Variants in PTH2R observed in about 807,000 individuals in gnomAD.
PTH2R encodes the protein PTH2 receptor.
PTH2R carries 59 observed loss-of-function variants against 60.3 expected under a neutral mutation model. That is an observed-to-expected ratio of 0.98 (90% CI 0.79 to 1.22). PTH2R has a LOEUF of 1.22. PTH2R is among the 50% of genes most tolerant of loss of function. PTH2R has a pLI of 0.00. For missense variants in PTH2R, 749 were observed against 682.6 expected, an observed-to-expected ratio of 1.10 and a Z score of -1.08; for synonymous variants, 256 against 243.8, an observed-to-expected ratio of 1.05 and a Z score of -0.47.
At chr2:208,415,389 T>C (rs551983728) in intron 1 of PTH2R, among the ~76,000 whole-genome samples, 7 of 152,238 alleles carry the variant, frequency 4.6e-5, no homozygotes, top group Non-Finnish European at 1.0e-4. Flanking sequence ...CACAGCCACA[T>C]TCATTCACCT....
intron 7 of PTH2R, among the ~76,000 whole-genome samples, chr2:208,445,895 G>A (rs532464979): frequency 7.2e-4 from 110 of 152,178 alleles, no homozygotes; most frequent in Middle Eastern, 3.4e-3. Context: ...TAGACAGCTC[G>A]TCTGTTTTAA....
chr2:208,482,440 G>A (rs1009720054), intron 10 of PTH2R, among the ~76,000 whole-genome samples: 12 of 152,226 alleles, frequency 7.9e-5, no homozygotes, highest in South Asian at 2.1e-4. Flanking sequence ...ATTTAGGGTC[G>A]TTTGATTATG....
chr2:208,412,811 A>G (rs1701566650), intron 1 of PTH2R, among the ~76,000 whole-genome samples: 1 of 152,348 alleles, frequency 6.6e-6, no homozygotes, highest in East Asian at 1.9e-4. Flanking sequence ...CTATATACAT[A>G]TAACAGGGAT....
intron 9 of PTH2R, among the ~76,000 whole-genome samples, chr2:208,471,918 C>T (rs1409145493): frequency 6.6e-6 from 1 of 152,244 alleles, no homozygotes; most frequent in Admixed American, 6.5e-5. Flanking sequence ...CTTTCATCAG[C>T]ATGACCTGGA....
At chr2:208,443,608 C>A in intron 6 of PTH2R, 71 bp downstream of exon 6, 1 of 1,292,086 alleles carries the variant, frequency 7.7e-7, no homozygotes, top group Non-Finnish European at 1.1e-6. Flanking sequence ...TTTTACAGTC[C>A]ACTAAACATG....
intron 9 of PTH2R, among the ~76,000 whole-genome samples, chr2:208,464,020 A>G (rs1702686463): frequency 6.6e-6 from 1 of 152,140 alleles, no homozygotes; most frequent in Non-Finnish European, 1.5e-5. Flanking sequence ...ATAATTATTA[A>G]CTCTTGTTGG....
rs79918660 is a variant in PTH2R, at chr2:208,387,460, C to T, written c.-259+27223C>T. Among the ~76,000 whole-genome samples, 757 of 152,294 alleles carry T rather than the reference C, an allele frequency of 5.0e-3. 3 individuals are homozygous for T. The highest frequency in any genetic ancestry group is 0.02 in the Middle Eastern group (6 of 294). ...ACAAAAGACACACTCTCCTAAATGT[C>T]TCCATCATACTATACTTTTTGTCCC... On this transcript the variant is annotated intron_variant, in intron 1 of 12. Transcript: ENST00000617735.
chr2:208,442,350 C>G lies in PTH2R; in HGVS notation c.412-14C>G. ...ATAGTCCCATATCATACATGAGCAT[C>G]TCTTCCCTTGCAGCAAGAATTCTTT... is the stretch of plus-strand genomic sequence containing the variant. On this transcript the variant is annotated splice_polypyrimidine_tract_variant and intron_variant, in intron 4 of 12. Coordinates refer to ENST00000272847, the MANE Select transcript of PTH2R (RefSeq NM_005048.4). 1 of 1,572,376 alleles carries G rather than the reference C, an allele frequency of 6.4e-7. No individual in the cohort carries two copies. The highest frequency in any genetic ancestry group is 1.1e-5 in the South Asian group (1 of 90,086).
chr2:208,473,073 G>A (rs1702921315), intron 9 of PTH2R, among the ~76,000 whole-genome samples: 1 of 152,142 alleles, frequency 6.6e-6, no homozygotes, highest in Non-Finnish European at 1.5e-5. Flanking sequence ...TATATGCAAG[G>A]TCATTAAGCA....
Position 208,481,164 on chromosome 2 carries a change from G to A in PTH2R, c.1076G>A (p.Arg359Lys). The change falls in exon 10 of 13, where the codon AGG becomes AAG. Residue 359 changes from arginine to lysine, a missense_variant and splice_region_variant. Arg to Lys is a conservative substitution (Grantham distance 26). Coordinates refer to ENST00000272847, the MANE Select transcript of PTH2R (RefSeq NM_005048.4). Reference sequence around the variant, plus strand: ...GGGCATGACACAAGGAAGCAATACAGGTAATTTCAGGAGAGGCATCCATCA... The same window carrying A: ...GGGCATGACACAAGGAAGCAATACAAGTAATTTCAGGAGAGGCATCCATCA... ...AVGHDTRKQY[R>K]KLAKSTLVLV... 3 of 1,590,044 alleles carry A rather than the reference G, an allele frequency of 1.9e-6. No homozygotes were observed. The highest frequency in any genetic ancestry group is 2.6e-6 in the Non-Finnish European group (3 of 1,161,336).
At chr2:208,391,954 A>G (rs1701116241) in intron 1 of PTH2R, among the ~76,000 whole-genome samples, 2 of 152,228 alleles carry the variant, frequency 1.3e-5, no homozygotes, top group Admixed American at 6.5e-5. Flanking sequence ...TAACTTGAGT[A>G]TGAGAGAACT....
chr2:208,388,653 T>C (rs1701052816), intron 1 of PTH2R, among the ~76,000 whole-genome samples: 1 of 152,214 alleles, frequency 6.6e-6, no homozygotes, highest in South Asian at 2.1e-4. Flanking sequence ...GTAATAGTGA[T>C]TACTCTAGAA....
intron 1 of PTH2R, among the ~76,000 whole-genome samples, chr2:208,388,562 G>A (rs1701050785): frequency 6.6e-6 from 1 of 152,100 alleles, no homozygotes; most frequent in African/African-American, 2.4e-5. Context: ...CTCTGTGTTG[G>A]TAAAGAGATA....
intron 9 of PTH2R, among the ~76,000 whole-genome samples, chr2:208,462,548 A>G (rs750278162): frequency 6.6e-6 from 1 of 152,232 alleles, no homozygotes; most frequent in African/African-American, 2.4e-5. Context: ...CTGGAAATCC[A>G]GGAGCTTGGA....
intron 7 of PTH2R, among the ~76,000 whole-genome samples, chr2:208,448,590 T>C (rs1477988358): frequency 2.0e-5 from 3 of 149,546 alleles, no homozygotes; most frequent in Non-Finnish European, 4.4e-5. Context: ...GCCGGGATCA[T>C]GCCACTGCAC....
chr2:208,450,905 A>G (rs1170179551), intron 8 of PTH2R, 96 bp downstream of exon 8: 1 of 1,381,992 alleles, frequency 7.2e-7, no homozygotes, highest in Non-Finnish European at 1.0e-6. Flanking sequence ...TCTTGATGCC[A>G]TTGCTTTTTA....
chr2:208,416,043 C>CAAAT (rs1701633990), intron 1 of PTH2R, among the ~76,000 whole-genome samples: 1 of 152,040 alleles, frequency 6.6e-6, no homozygotes, highest in Non-Finnish European at 1.5e-5. Context: ...TTTTCCTTGG[C>CAAAT]CCTTGATGAG....
At chr2:208,469,562 A>C (rs1702834566) in intron 9 of PTH2R, among the ~76,000 whole-genome samples, 2 of 152,232 alleles carry the variant, frequency 1.3e-5, no homozygotes, top group Admixed American at 1.3e-4. Context: ...CATAGACTGC[A>C]GTATAAGTTT....
chr2:208,396,632 C>A (rs138665602), intron 1 of PTH2R, among the ~76,000 whole-genome samples: 8,245 of 152,064 alleles, frequency 0.054, 453 homozygotes, highest in African/African-American at 0.14. Context: ...GTTAGAATGG[C>A]GATCATTAAA....
Sources: gnomAD v4.1 joint callset for allele counts (sites outside exome capture counted in the v4.1 genomes callset) on GRCh38, gnomAD v4.1.1 for gene constraint, MANE v1.5 for transcripts, NCBI Gene and HGNC (gene_info 2026-07-23, HGNC 2026-07-21) for gene names.